Variants in ITSN2 observed in about 807,000 individuals in gnomAD.
ITSN2 encodes the protein intersectin 2, also known as intersectin-2.
ITSN2 carries 156 observed loss-of-function variants against 243.7 expected under a neutral mutation model. That is an observed-to-expected ratio of 0.64 (90% CI 0.56 to 0.73). The LOEUF (loss-of-function observed/expected upper bound fraction) is 0.73. ITSN2 is among the 30% of genes least tolerant of loss of function. The probability of loss-of-function intolerance (pLI) is 0.00; values close to 1 mark genes in which losing one functional copy is unlikely to be tolerated. For synonymous variants in ITSN2, 703 were observed against 699.9 expected, an observed-to-expected ratio of 1.00 and a Z score of -0.07; for missense variants, 1,801 against 1,996.1, an observed-to-expected ratio of 0.90 and a Z score of 1.86.
chr2:24,311,245 G>A (rs543555011), intron 5 of ITSN2, among the ~76,000 whole-genome samples: 16 of 152,234 alleles, frequency 1.1e-4, no homozygotes, highest in East Asian at 3.9e-4. Context: ...ATTCAAGGAC[G>A]AGTTCTTAAA....
At chr2:24,218,996 A>G (rs1015007925) in intron 30 of ITSN2, among the ~76,000 whole-genome samples, 3 of 151,966 alleles carry the variant, frequency 2.0e-5, no homozygotes, top group African/African-American at 7.3e-5. Flanking sequence ...CCCCCTGCCA[A>G]CCTCACCAGC....
chr2:24,262,438 T>G (rs1676027789), intron 20 of ITSN2, among the ~76,000 whole-genome samples: 1 of 152,226 alleles, frequency 6.6e-6, no homozygotes, highest in African/African-American at 2.4e-5. Flanking sequence ...AGATCTTCTC[T>G]GAATACTATT....
intron 2 of ITSN2, among the ~76,000 whole-genome samples, chr2:24,325,072 T>C (rs1685014017): frequency 6.6e-6 from 1 of 152,088 alleles, no homozygotes; most frequent in Non-Finnish European, 1.5e-5. Context: ...ATTAATCATA[T>C]TAAAACATAA....
intron 1 of ITSN2, among the ~76,000 whole-genome samples, chr2:24,341,760 G>A (rs1175275182): frequency 2.0e-5 from 3 of 151,950 alleles, no homozygotes; most frequent in African/African-American, 7.2e-5. Flanking sequence ...CCTGTGAGGC[G>A]GGAGAATAGC....
At chr2:24,212,596 C>T in intron 33 of ITSN2, 54 bp downstream of exon 33, 1 of 1,417,882 alleles carries the variant, frequency 7.1e-7, no homozygotes, top group Non-Finnish European at 9.7e-7. Flanking sequence ...CCTCTGTGGA[C>T]CTCAGCGCAT....
rs112969458 is a variant in ITSN2, at chr2:24,206,799, C to A, written c.4678+1438G>T. On this transcript the variant is annotated intron_variant, in intron 37 of 39. Transcript: ENST00000355123. The stretch of plus-strand genomic sequence containing the variant: ...GCAAGCAGAGGCAACAGAGGATGAG[C>A]GCCCGGAGGATGATCGCAGCCTCAG... 4.6e-3 allele frequency among the ~76,000 whole-genome samples: 693 copies of A among 152,200 alleles called. 5 individuals are homozygous for A. The highest frequency in any genetic ancestry group is 0.016 in the African/African-American group (664 of 41,496).
rs1053730428 is a variant in ITSN2, at chr2:24,225,544, C to T, written c.3578-4478G>A. Among the ~76,000 whole-genome samples, 1 of 152,150 alleles carries T rather than the reference C, an allele frequency of 6.6e-6. No homozygotes were observed. Among genetic ancestry groups the T allele is most frequent in the Non-Finnish European group, 1.5e-5 (1 of 68,042 alleles). On this transcript the variant is annotated intron_variant, in intron 29 of 39. Transcript: ENST00000355123. This position sits in a 1 kb window ranked among gnomAD's most constrained non-coding sequence, Gnocchi z 4.2. ...GGCTTTTTTGGAGACTTGAGTCTGC[C>T]TTTCTCAGCCCTTGAGCCTCTCCTC... is the stretch of plus-strand genomic sequence containing the variant.
intron 1 of ITSN2, among the ~76,000 whole-genome samples, chr2:24,358,525 G>C (rs1688660309): frequency 6.6e-6 from 1 of 152,176 alleles, no homozygotes; most frequent in African/African-American, 2.4e-5. Context: ...GAAGGAGACA[G>C]CCAATATGTG....
intron 1 of ITSN2, among the ~76,000 whole-genome samples, chr2:24,352,698 G>A (rs897342023): frequency 6.6e-6 from 1 of 152,116 alleles, no homozygotes; most frequent in African/African-American, 2.4e-5. Context: ...AAAAGGACAG[G>A]AATAGCAAAC....
At chr2:24,203,998 G>C (rs1668580313) in intron 39 of ITSN2, 1 of 635,158 alleles carries the variant, frequency 1.6e-6, no homozygotes, top group South Asian at 2.0e-5. Context: ...TCCATTCTGA[G>C]AATGCTCCAG....
In ITSN2 at chr2:24,309,203, T is replaced by G. The variant is rs573612205; in HGVS notation, c.654-447A>C. Among the ~76,000 whole-genome samples the G allele has an allele frequency of 5.3e-5, 8 of 152,330 alleles. No homozygotes were observed. The East Asian group carries it at 1.3e-3, about 26-fold the overall frequency. The stretch of plus-strand genomic sequence containing the variant: ...TAATGGTGACTGCCTTTTCTCTTTT[T>G]CTGGGGAGGAGACAGAGTCTCGCTC... On this transcript the variant is annotated intron_variant, in intron 7 of 39. Coordinates refer to ENST00000355123, the MANE Select transcript of ITSN2 (RefSeq NM_006277.3).
chr2:24,335,854 T>G (rs2151881025), intron 1 of ITSN2, among the ~76,000 whole-genome samples: 1 of 151,686 alleles, frequency 6.6e-6, no homozygotes, highest in African/African-American at 2.4e-5. Flanking sequence ...GCCAGGCTGG[T>G]CTCAAACTCC....
At chr2:24,207,457 G>T (rs1233272200) in intron 37 of ITSN2, among the ~76,000 whole-genome samples, 1 of 152,156 alleles carries the variant, frequency 6.6e-6, no homozygotes, top group African/African-American at 2.4e-5. Context: ...CAGCGGGGCA[G>T]GTGGTTCTCT....
chr2:24,293,052 T>C (rs552011444), intron 15 of ITSN2, among the ~76,000 whole-genome samples: 1 of 152,358 alleles, frequency 6.6e-6, no homozygotes, highest in East Asian at 1.9e-4. Context: ...TTGTTTCTGC[T>C]ATGCTTTTAT....
Position 24,211,572 on chromosome 2 carries a change from C to G in ITSN2, c.4090-625G>C, listed in dbSNP as rs1669499495. ...AAATTAGGAGCCATCACCAGATGCC[C>G]CGTCTGGACTCTCTCACTCTAGTCA... On this transcript the variant is annotated intron_variant, in intron 33 of 39. Transcript: ENST00000355123. The surrounding 1 kb of genome is among the most constrained non-coding windows in gnomAD (Gnocchi z 4.1). 6.6e-6 allele frequency among the ~76,000 whole-genome samples: 1 copy of G among 152,188 alleles called. No homozygotes were observed. The highest frequency in any genetic ancestry group is 2.4e-5 in the African/African-American group (1 of 41,442).
At chr2:24,205,189 C>A (rs1237094680) in intron 38 of ITSN2, 25 bp downstream of exon 38, 1 of 1,596,438 alleles carries the variant, frequency 6.3e-7, no homozygotes, top group African/African-American at 1.3e-5. Context: ...GTTATGTCTG[C>A]TGAATGAATC....
At chr2:24,205,479 C>T (rs1668771082) in intron 37 of ITSN2, 182 bp from the exon 38 acceptor site, 1 of 555,474 alleles carries the variant, frequency 1.8e-6, no homozygotes, top group East Asian at 3.1e-5. Flanking sequence ...GAAGCCCCTG[C>T]TTGCTCTTTC....
intron 15 of ITSN2, among the ~76,000 whole-genome samples, chr2:24,290,946 T>C (rs1256370525): frequency 6.6e-6 from 1 of 152,218 alleles, no homozygotes; most frequent in Non-Finnish European, 1.5e-5. Context: ...TTTTGCCTAA[T>C]CTTGTACAAT....
intron 20 of ITSN2, 148 bp downstream of exon 20, chr2:24,270,523 A>G: frequency 1.8e-6 from 1 of 557,896 alleles, no homozygotes; most frequent in South Asian, 2.3e-5. Flanking sequence ...GCAGCTCTGA[A>G]GTATGTTGTA....
Sources: gnomAD v4.1 joint callset for allele counts (sites outside exome capture counted in the v4.1 genomes callset) on GRCh38, gnomAD v4.1.1 for gene constraint, Gnocchi (gnomAD v3.1) non-coding constraint, MANE v1.5 for transcripts, NCBI Gene and HGNC (gene_info 2026-07-23, HGNC 2026-07-21) for gene names.